Variants in POLE observed in about 807,000 individuals in gnomAD.
POLE encodes DNA polymerase epsilon, catalytic subunit.
POLE carries 188 observed loss-of-function variants against 279.2 expected under a neutral mutation model. The observed-to-expected ratio is 0.67, with a 90% CI of 0.60 to 0.76. The LOEUF (loss-of-function observed/expected upper bound fraction) is 0.76, where lower values mean the gene tolerates loss of function less well. Ranked by LOEUF, POLE falls within the 30% of genes least tolerant of loss-of-function variation. POLE has a pLI of 0.00. For synonymous variants in POLE, 1,214 were observed against 1,172.5 expected, an observed-to-expected ratio of 1.04 and a Z score of -0.72; for missense variants, 2,703 against 3,016.7, an observed-to-expected ratio of 0.90 and a Z score of 2.44.
intron 1 of POLE, among the ~76,000 whole-genome samples, chr12:132,682,674 AG>A (rs1053651479): frequency 1.3e-5 from 2 of 152,120 alleles, no homozygotes; most frequent in Non-Finnish European, 2.9e-5. Flanking sequence ...GTTGAGGGCC[AG>A]GCGCAGTGGC....
At position 132,642,376 on chromosome 12, in the gene POLE, C is replaced by T. The variant is rs2138531902; in HGVS notation, c.4974G>A (p.Gly1658=). ...EMSRYFHIPI[G]NLPEDISTFG... is the part of the protein sequence containing the mutation. ...ATGTGGAGATGTCCTCTGGTAGGTTCCCAATGGGAATGTGAAAGTACCTGC... is the reference window on the plus strand; with the variant it reads ...ATGTGGAGATGTCCTCTGGTAGGTTTCCAATGGGAATGTGAAAGTACCTGC... Residue 1658 remains glycine, a synonymous_variant, in exon 38 of 49, where the codon GGG becomes GGA. Transcript: ENST00000320574. The T allele has an allele frequency of 6.3e-7, 1 of 1,578,950 alleles. No individual in the cohort carries two copies. Among genetic ancestry groups the T allele is most frequent in the South Asian group, 1.2e-5 (1 of 85,986 alleles).
chr12:132,647,855 C>A (rs188801113), intron 32 of POLE, among the ~76,000 whole-genome samples: 12 of 152,142 alleles, frequency 7.9e-5, no homozygotes, highest in Non-Finnish European at 1.5e-4. Context: ...CCGCCCACCT[C>A]GGTCTCCCAA....
rs2138689261 is a variant in POLE, at chr12:132,661,006, T to C, written c.3023A>G (p.Lys1008Arg). The C allele has an allele frequency of 6.2e-7, 1 of 1,613,802 alleles. No homozygotes were observed. The highest frequency in any genetic ancestry group is 1.1e-5 in the South Asian group (1 of 91,042). The change falls in exon 25 of 49, where the codon AAG becomes AGG. Residue 1008 changes from lysine (K) to arginine (R), a missense_variant. Transcript: ENST00000320574. The surrounding 1 kb of genome is among the most constrained non-coding windows in gnomAD (Gnocchi z 4.1). ...CACGTCCAGCCAGTAGTCAGCCACC[T>C]TGGCTACAGAGCCATACACCTCTTC... ...TLEEVYGSVAKVADYWLDVLY... is the reference protein window; with the variant it reads ...TLEEVYGSVARVADYWLDVLY...
intron 31 of POLE, 47 bp downstream of exon 31, chr12:132,649,259 G>A (rs965549640): frequency 6.3e-7 from 1 of 1,585,250 alleles, no homozygotes; most frequent in African/African-American, 1.3e-5. Flanking sequence ...CCCCCTCCCT[G>A]GGCCATCAGC....
At position 132,661,488 on chromosome 12, in the gene POLE, C is replaced by A. The variant is rs1167242268; in HGVS notation, c.2864+39G>T. On this transcript the variant is annotated intron_variant, in intron 24 of 48. Transcript: ENST00000320574. This position sits in a 1 kb window ranked among gnomAD's most constrained non-coding sequence, Gnocchi z 4.1. ...GGGCTAAATTTAATCTATCTCAATC[C>A]ATGTCCTTTCTAAAGCACAAAAGCT... 1.9e-6 allele frequency: 3 copies of A among 1,605,120 alleles called. No homozygotes were observed. The highest frequency in any genetic ancestry group is 1.7e-5 in the Admixed American group (1 of 59,416).
intron 9 of POLE, 168 bp downstream of exon 9, chr12:132,676,378 G>A (rs1260615550): frequency 8.5e-6 from 6 of 708,592 alleles, no homozygotes; most frequent in Middle Eastern, 3.2e-4. Flanking sequence ...ATTCCCACTC[G>A]AAAGGGGAGG....
chr12:132,651,819 C>A (rs931991002), intron 29 of POLE, among the ~76,000 whole-genome samples: 1 of 152,240 alleles, frequency 6.6e-6, no homozygotes, highest in African/African-American at 2.4e-5. Context: ...AACGTCCAGA[C>A]AAAGGCCAAG....
chr12:132,657,976 T>C lies in POLE; in HGVS notation c.3276-6A>G, dbSNP rs1192049452. 6.3e-7 allele frequency: 1 copy of C among 1,591,520 alleles called. No homozygotes were observed. Among genetic ancestry groups the C allele is most frequent in the East Asian group, 2.2e-5 (1 of 44,776 alleles). On this transcript the variant is annotated splice_region_variant and splice_polypyrimidine_tract_variant and intron_variant, in intron 26 of 48. Transcript: ENST00000320574. ...AAATGGCAAGTGGGATGGCCCTGGG[T>C]AAGGAAGACAGGCACACAGCTCAGT...
In POLE at chr12:132,679,613, C is replaced by A. The variant is rs555774342; in HGVS notation, c.462G>T (p.Arg154Ser). ...HLVGLKRNYIRLSFHTVEDLV... is the reference protein window; with the variant it reads ...HLVGLKRNYISLSFHTVEDLV... Reference sequence around the variant, plus strand: ...GATCCTCCACAGTGTGGAAGGACAGCCTGATGTAATTTCGCTTCAAACCCA... The same window carrying A: ...GATCCTCCACAGTGTGGAAGGACAGACTGATGTAATTTCGCTTCAAACCCA... Residue 154 changes from arginine to serine, a missense_variant, in exon 6 of 49, where the codon AGG becomes AGT. Arg to Ser is a moderately radical substitution (Grantham distance 110). This residue lies in a region of POLE where 1,011 missense variants were observed against 1,111.7 expected (regional missense o/e 0.91). Transcript: ENST00000320574. 20 of 1,612,916 alleles carry A rather than the reference C, an allele frequency of 1.2e-5. No individual in the cohort carries two copies. The highest frequency in any genetic ancestry group is 1.6e-5 in the Non-Finnish European group (19 of 1,179,036).
intron 1 of POLE, among the ~76,000 whole-genome samples, chr12:132,685,304 C>G (rs2136045025): frequency 6.6e-6 from 1 of 152,012 alleles, no homozygotes; most frequent in Middle Eastern, 3.4e-3. Context: ...CACACTGTCC[C>G]AGTACTCCAC....
chr12:132,672,196 C>A lies in POLE; in HGVS notation c.1794+19G>T, dbSNP rs1412924023. On this transcript the variant is annotated intron_variant, in intron 16 of 48. Transcript: ENST00000320574. ...GGCGCCAAACACAGACTGGCTCTTC[C>A]TGCCTCCCTGATGGTTACCTCTTCA... 2 of 1,568,238 alleles carry A rather than the reference C, an allele frequency of 1.3e-6. No individual in the cohort carries two copies.
At position 132,641,638 on chromosome 12, in the gene POLE, G is replaced by A. The variant is rs1177871620; in HGVS notation, c.5378+9C>T. On this transcript the variant is annotated intron_variant, in intron 39 of 48. Coordinates refer to ENST00000320574, the MANE Select transcript of POLE (RefSeq NM_006231.4). ...TATTAGTAACACTCCTTCCCAGAGAGGGTGGCACCTGAAGGTGTTAGAGCA... is the reference window on the plus strand; with the variant it reads ...TATTAGTAACACTCCTTCCCAGAGAAGGTGGCACCTGAAGGTGTTAGAGCA... The A allele has an allele frequency of 6.2e-7, 1 of 1,611,028 alleles. No homozygotes were observed.
At chr12:132,641,585 A>C (rs2042141951) in intron 39 of POLE, 62 bp downstream of exon 39, 1 of 1,456,692 alleles carries the variant, frequency 6.9e-7, no homozygotes, top group East Asian at 2.3e-5. Flanking sequence ...TTAGCTTTCC[A>C]AATTAAGGGC....
At chr12:132,625,589 A>C in intron 47 of POLE, 56 bp downstream of exon 47, 1 of 1,601,046 alleles carries the variant, frequency 6.2e-7, no homozygotes, top group Non-Finnish European at 8.5e-7. Context: ...CCGGGAGTGC[A>C]CAGAAACCCC....
At chr12:132,657,020 C>T in intron 29 of POLE, 116 bp downstream of exon 29, 1 of 1,148,820 alleles carries the variant, frequency 8.7e-7, no homozygotes, top group Non-Finnish European at 1.2e-6. Context: ...CAGAAAAAGT[C>T]CATTTTCGAT....
At position 132,664,534 on chromosome 12, in the gene POLE, G is replaced by C; in HGVS notation, c.2469-72C>G. On this transcript the variant is annotated intron_variant, in intron 21 of 48. Transcript: ENST00000320574. This position sits in a 1 kb window ranked among gnomAD's most constrained non-coding sequence, Gnocchi z 5.3. Reference sequence around the variant, plus strand: ...CAGGGGGTATCAGAGGCAGTGAGGAGTAGGGAGGAGGAAAGGAGAGATGCG... The same window carrying C: ...CAGGGGGTATCAGAGGCAGTGAGGACTAGGGAGGAGGAAAGGAGAGATGCG... The C allele has an allele frequency of 8.8e-7, 1 of 1,131,768 alleles. No individual in the cohort carries two copies. The highest frequency in any genetic ancestry group is 2.4e-5 in the East Asian group (1 of 42,274). 70.1% of individuals were successfully genotyped at this position (1,131,768 alleles called of 1,614,324 possible). A position where few individuals can be genotyped will look rare whatever the true frequency, so the allele number is the denominator to read the frequency against.
rs2135975504 is a variant in POLE, at chr12:132,668,436, A to G, written c.2093T>C (p.Leu698Ser). 1.2e-6 allele frequency: 2 copies of G among 1,612,520 alleles called. No homozygotes were observed. Among genetic ancestry groups the G allele is most frequent in the Non-Finnish European group, 1.7e-6 (2 of 1,179,132 alleles). Residue 698 changes from leucine (L) to serine (S), a missense_variant, in exon 19 of 49, where the codon TTG (leucine) becomes TCG (serine). Physicochemically the swap from Leu to Ser is moderately radical, Grantham distance 145 (BLOSUM62 -2). This residue lies in a region of POLE where 1,011 missense variants were observed against 1,111.7 expected (regional missense o/e 0.91). Transcript: ENST00000320574. The surrounding 1 kb of genome is among the most constrained non-coding windows in gnomAD (Gnocchi z 4.0). Reference protein sequence around the residue: ...HQLESEKFPPLFPEGPARAFH... With the variant: ...HQLESEKFPPSFPEGPARAFH... ...GGCCCGAGCTGGCCCCTCTGGGAAC[A>G]AGGGGGGGAACTTCTCTGACTCCAG...
chr12:132,683,322 G>A (rs1187983417), intron 1 of POLE, among the ~76,000 whole-genome samples: 1 of 152,212 alleles, frequency 6.6e-6, no homozygotes, highest in East Asian at 1.9e-4. Context: ...AGGGATGGGA[G>A]AGAGAGGGTA....
At chr12:132,671,678 GAAA>G (rs59237637) in intron 16 of POLE, among the ~76,000 whole-genome samples, 12 of 72,542 alleles carry the variant, frequency 1.7e-4, no homozygotes, top group East Asian at 5.4e-4. Context: ...CTCAAAAAGG[GAAA>G]AAAAAAAAAA....
Sources: allele counts gnomAD v4.1 joint callset (sites outside exome capture counted in the v4.1 genomes callset), GRCh38; gene constraint gnomAD v4.1.1; regional missense constraint gnomAD v4.1.1; non-coding constraint Gnocchi (gnomAD v3.1); transcripts MANE v1.5; gene names NCBI Gene and HGNC (gene_info 2026-07-23, HGNC 2026-07-21).